TRIM2: variants seen among roughly 807,000 people sequenced by gnomAD.
The protein encoded by TRIM2 is tripartite motif-containing protein 2.
In TRIM2, 20 loss-of-function variants were observed where a neutral mutation model predicts 75.2. The ratio of observed to expected loss-of-function variants is 0.27; its 90% CI spans 0.19 to 0.39. The LOEUF (loss-of-function observed/expected upper bound fraction) is 0.39. Among genes scored for constraint, TRIM2 ranks in the 10% least tolerant of loss-of-function variants. TRIM2 has a pLI of 1.00. For synonymous variants in TRIM2, 373 were observed against 388.3 expected (o/e 0.96, Z 0.46); for missense variants, 660 against 990.8 (o/e 0.67, Z 4.48).
chr4:153,165,358 T>A (rs139492695), intron 1 of TRIM2, among the ~76,000 whole-genome samples: 1 of 152,320 alleles, frequency 6.6e-6, no homozygotes, highest in African/African-American at 2.4e-5. Context: ...TGAGACAGGG[T>A]CTCACTCTGT....
intron 8 of TRIM2, among the ~76,000 whole-genome samples, chr4:153,319,687 G>A (rs1011731868): frequency 4.6e-5 from 7 of 151,942 alleles, no homozygotes; most frequent in Non-Finnish European, 8.8e-5. Context: ...CTGAGATTGC[G>A]CCATTGCACT....
intron 1 of TRIM2, among the ~76,000 whole-genome samples, chr4:153,244,260 TCCTCCTCCTCCTCCTCC>T (rs1560873138): frequency 0.022 from 97 of 4,412 alleles, 6 homozygotes; most frequent in Non-Finnish European, 0.033. Flanking sequence ...TCTTTCCTCC[TCCTCCTCCTCCTCCTCC>T]TCCTCCTCCT....
intron 2 of TRIM2, among the ~76,000 whole-genome samples, chr4:153,270,825 C>G (rs1259057306): frequency 1.3e-5 from 2 of 152,062 alleles, no homozygotes. Flanking sequence ...CAATTTTTGT[C>G]CACAGCAGAT....
chr4:153,238,879 G>A (rs928108755), intron 1 of TRIM2, among the ~76,000 whole-genome samples: 1 of 152,154 alleles, frequency 6.6e-6, no homozygotes, highest in Non-Finnish European at 1.5e-5. Context: ...AGAAACCTAA[G>A]GGCTCTCTAT....
At chr4:153,215,277 T>A (rs1333469796) in intron 1 of TRIM2, among the ~76,000 whole-genome samples, 1 of 152,088 alleles carries the variant, frequency 6.6e-6, no homozygotes, top group Non-Finnish European at 1.5e-5. Flanking sequence ...CCTCCTCTCC[T>A]CCACATAGGC....
chr4:153,243,827 CCT>C (rs1747364742), intron 1 of TRIM2, among the ~76,000 whole-genome samples: 1 of 133,070 alleles, frequency 7.5e-6, no homozygotes, highest in African/African-American at 2.9e-5. Context: ...TTCCCCCCCC[CCT>C]TGAGACAGGA....
intron 1 of TRIM2, among the ~76,000 whole-genome samples, chr4:153,256,465 G>A (rs1449847341): frequency 6.6e-6 from 1 of 152,144 alleles, no homozygotes; most frequent in Non-Finnish European, 1.5e-5. Flanking sequence ...ACTAACCAAG[G>A]AATAGGATGC....
intron 10 of TRIM2, chr4:153,324,466 C>A: frequency 5.0e-6 from 1 of 199,734 alleles, no homozygotes; most frequent in Non-Finnish European, 1.0e-5. Flanking sequence ...TGTGGCTAGT[C>A]AATAAATTAA....
chr4:153,171,963 A>C (rs1358999952), intron 1 of TRIM2, among the ~76,000 whole-genome samples: 6 of 151,474 alleles, frequency 4.0e-5, no homozygotes, highest in Non-Finnish European at 5.9e-5. Flanking sequence ...TATTATACCT[A>C]ATATTAACAA....
At chr4:153,264,111 G>A (rs150979543) in intron 1 of TRIM2, among the ~76,000 whole-genome samples, 242 of 152,316 alleles carry the variant, frequency 1.6e-3, no homozygotes, top group Non-Finnish European at 2.9e-3. Flanking sequence ...GAACAGAATG[G>A]TCAGATTGAG....
chr4:153,316,871 G>A (rs1184245583), intron 8 of TRIM2, among the ~76,000 whole-genome samples: 1 of 63,620 alleles, frequency 1.6e-5, no homozygotes, highest in Non-Finnish European at 2.7e-5. Flanking sequence ...TTTGCATTAT[G>A]CCTTTTTTTT....
chr4:153,200,480 T>C (rs1308363252), upstream of TRIM2, among the ~76,000 whole-genome samples: 1 of 152,196 alleles, frequency 6.6e-6, no homozygotes, highest in Admixed American at 6.5e-5. Context: ...TTGTGAATAG[T>C]GCTGCTATGA....
chr4:153,229,691 A>T (rs1412821342), intron 1 of TRIM2, among the ~76,000 whole-genome samples: 1 of 152,254 alleles, frequency 6.6e-6, no homozygotes, highest in Non-Finnish European at 1.5e-5. Context: ...CTGTAATAGA[A>T]GGAAGACAGA....
intron 1 of TRIM2, among the ~76,000 whole-genome samples, chr4:153,154,360 A>G (rs956929362): frequency 6.6e-6 from 1 of 152,228 alleles, no homozygotes; most frequent in East Asian, 1.9e-4. Context: ...CACCTTCCCC[A>G]GAGGGGCTTA....
At chr4:153,304,196 C>T (rs1452035808) in intron 6 of TRIM2, among the ~76,000 whole-genome samples, 3 of 152,130 alleles carry the variant, frequency 2.0e-5, no homozygotes, top group African/African-American at 7.2e-5. Flanking sequence ...TCACTTTAAT[C>T]TCCACCTCCT....
chr4:153,330,602 T>C (rs1771247138), intron 11 of TRIM2, among the ~76,000 whole-genome samples: 1 of 152,042 alleles, frequency 6.6e-6, no homozygotes, highest in Non-Finnish European at 1.5e-5. Context: ...TCCACCATAG[T>C]AAAATTCTAA....
chr4:153,299,821 C>T (rs1763492662), intron 6 of TRIM2, among the ~76,000 whole-genome samples: 1 of 152,172 alleles, frequency 6.6e-6, no homozygotes, highest in Admixed American at 6.5e-5. Context: ...CACCCCACCA[C>T]TCTGGCTCAT....
chr4:153,166,239 T>A lies in TRIM2; in HGVS notation c.-49+12969T>A, dbSNP rs141352307. ...TTGTATTGTTTCTTTGTCCTTTGAG[T>A]TCCTTTTTTCCATTTGTTTGTTTTT... On this transcript the variant is annotated intron_variant, in intron 1 of 11. Transcript: ENST00000437508. 4.0e-3 allele frequency among the ~76,000 whole-genome samples: 609 copies of A among 152,302 alleles called. 3 individuals carry two copies. Among genetic ancestry groups the A allele is most frequent in the Non-Finnish European group, 7.4e-3 (505 of 68,022 alleles).
chr4:153,335,002 C>T lies in TRIM2; in HGVS notation c.*36C>T. On this transcript the variant is annotated 3_prime_UTR_variant, in exon 12 of 12. Transcript: ENST00000338700. Reference sequence around the variant, plus strand: ...GTGGATACCCGCTTCCATGGTCTTGCACTATAAACTGGAATGGATTTCTCA... The same window carrying T: ...GTGGATACCCGCTTCCATGGTCTTGTACTATAAACTGGAATGGATTTCTCA... The T allele has an allele frequency of 1.3e-6, 2 of 1,560,632 alleles. No individual in the cohort carries two copies. The highest frequency in any genetic ancestry group is 1.2e-5 in the South Asian group (1 of 82,904).
Sources: allele counts gnomAD v4.1 joint callset (sites outside exome capture counted in the v4.1 genomes callset), GRCh38; gene constraint gnomAD v4.1.1; transcripts MANE v1.5; gene names NCBI Gene and HGNC (gene_info 2026-07-23, HGNC 2026-07-21).